Variants in TFR2 observed in about 807,000 individuals in gnomAD.
TFR2 encodes the protein transferrin receptor 2.
TFR2 carries 64 observed loss-of-function variants against 91.9 expected under a neutral mutation model. That is an observed-to-expected ratio of 0.70 (90% confidence interval 0.57 to 0.86). The LOEUF (loss-of-function observed/expected upper bound fraction) is 0.86, where lower values mean the gene tolerates loss of function less well. Ranked by LOEUF, TFR2 falls within the 40% of genes least tolerant of loss-of-function variation. The probability of loss-of-function intolerance (pLI) is 0.00; values close to 1 mark genes in which losing one functional copy is unlikely to be tolerated. For synonymous variants in TFR2, 454 were observed against 459.6 expected (o/e 0.99, Z 0.15); for missense variants, 950 against 1,080.5 (o/e 0.88, Z 1.69).
Position 100,636,149 on chromosome 7 carries a change from T to C in TFR2, c.474-2593A>G, listed in dbSNP as rs887757077. 2.0e-4 allele frequency among the ~76,000 whole-genome samples: 30 copies of C among 149,460 alleles called. 1 individual carries two copies. The highest frequency in any genetic ancestry group is 2.0e-3 in the Admixed American group (29 of 14,846). On this transcript the variant is annotated intron_variant, in intron 3 of 17. Transcript: ENST00000223051. ...GTCACCTCCAGTCCAGGCACTCCAC[T>C]TCCCTGGTCACACCCTGCATCTTTT...
chr7:100,628,339 C>G (rs1803328696), intron 10 of TFR2, 33 bp from the exon 11 acceptor site: 1 of 1,608,440 alleles, frequency 6.2e-7, no homozygotes. Context: ...ACAGGCTTAG[C>G]AGGGGCCAAG....
chr7:100,636,892 AC>A (rs903462460), intron 3 of TFR2, among the ~76,000 whole-genome samples: 4 of 151,826 alleles, frequency 2.6e-5, no homozygotes, highest in Non-Finnish European at 5.9e-5. Context: ...TCAGTGCCAC[AC>A]CCCGCTTCTA....
intron 3 of TFR2, among the ~76,000 whole-genome samples, chr7:100,638,061 T>C (rs893145706): frequency 3.9e-5 from 6 of 152,026 alleles, no homozygotes; most frequent in African/African-American, 1.4e-4. Flanking sequence ...TGGAGTGCAG[T>C]GGCGCGATCT....
chr7:100,639,538 G>A (rs376767229), intron 3 of TFR2, among the ~76,000 whole-genome samples: 7 of 151,588 alleles, frequency 4.6e-5, no homozygotes, highest in Admixed American at 1.3e-4. Flanking sequence ...CTACTGCCAC[G>A]GTTACCTTAA....
chr7:100,631,757 C>A, intron 8 of TFR2, 49 bp downstream of exon 8: 2 of 1,591,094 alleles, frequency 1.3e-6, no homozygotes, highest in African/African-American at 2.7e-5. Flanking sequence ...CTCGCTGCAG[C>A]CTTCCTCTCT....
At position 100,632,061 on chromosome 7, in the gene TFR2, G is replaced by T. The variant is rs368267022; in HGVS notation, c.966+21C>A. On this transcript the variant is annotated intron_variant, in intron 7 of 17. Transcript: ENST00000223051. ...TGGCCTCGGGACCTGGGAACAGCAC[G>T]ACCAGCCTCCCCAGACTCACATGTC... 14 of 1,613,858 alleles carry T rather than the reference G, an allele frequency of 8.7e-6. No individual in the cohort carries two copies. In the Admixed American group the frequency reaches 1.8e-4, roughly 21 times the overall value.
In TFR2 at chr7:100,628,386, C is replaced by A; in HGVS notation, c.1391-80G>T. On this transcript the variant is annotated intron_variant, in intron 10 of 17. Transcript: ENST00000223051. ...CCCTTGTCTTCTTCTGTCCTGGTCC[C>A]CCAGGGTCTCTGTTTCTCTGTCTCT... is the stretch of plus-strand genomic sequence containing the variant. 2.2e-6 allele frequency: 3 copies of A among 1,369,328 alleles called. No individual in the cohort carries two copies. In the South Asian group the frequency reaches 3.6e-5, roughly 16 times the overall value. The allele number at this position is 1,369,328 out of a possible 1,614,324, so 84.8% of individuals were successfully genotyped here.
chr7:100,630,808 C>T, intron 9 of TFR2, 81 bp downstream of exon 9: 1 of 1,592,988 alleles, frequency 6.3e-7, no homozygotes, highest in Non-Finnish European at 8.6e-7. Flanking sequence ...CCTGCACCAG[C>T]CCCCTATCTT....
chr7:100,628,425 G>T (rs1803330715), intron 10 of TFR2, 119 bp from the exon 11 acceptor site: 5 of 972,612 alleles, frequency 5.1e-6, no homozygotes, highest in Non-Finnish European at 7.9e-6. Flanking sequence ...TCTGAGACAG[G>T]ATCTCACTCT....
At chr7:100,622,658 TCTA>T (rs1222922956) in intron 17 of TFR2, among the ~76,000 whole-genome samples, 1 of 152,188 alleles carries the variant, frequency 6.6e-6, no homozygotes, top group Non-Finnish European at 1.5e-5. Context: ...GTGGTAACCT[TCTA>T]CTATGGTAAC....
rs753945775 is a variant in TFR2 at position 100,631,817 on chromosome 7, G to A, written c.1095C>T (p.Ser365=). 6.2e-7 allele frequency: 1 copy of A among 1,612,712 alleles called. No homozygotes were observed. The highest frequency in any genetic ancestry group is 1.7e-5 in the Admixed American group (1 of 59,878). Residue 365 remains serine (S), a synonymous_variant, in exon 8 of 18, where the codon TCC becomes TCT. Coordinates refer to ENST00000223051, the MANE Select transcript of TFR2 (RefSeq NM_003227.4). ...AACACTCCCCTCACCTCAGCAGGCG[G>A]GAGGCAATGTCTGCACTGATGGGCT... ...PAQPISADIA[S]RLLRKLKGPV... is the part of the protein sequence containing the mutation.
intron 9 of TFR2, 108 bp downstream of exon 9, chr7:100,630,781 G>A: frequency 6.6e-7 from 1 of 1,510,718 alleles, no homozygotes; most frequent in Non-Finnish European, 9.1e-7. Flanking sequence ...CACCACTCCT[G>A]TCCCCTCTTG....
chr7:100,624,876 AAAAAAAAC>A (rs1444211559), intron 17 of TFR2, among the ~76,000 whole-genome samples: 2 of 151,272 alleles, frequency 1.3e-5, no homozygotes, highest in East Asian at 1.9e-4. Context: ...TCTCAGAAAA[AAAAAAAAC>A]AAAAAAACAA....
chr7:100,631,124 A>G, intron 8 of TFR2, 72 bp from the exon 9 acceptor site: 1 of 1,416,694 alleles, frequency 7.1e-7, no homozygotes, highest in Non-Finnish European at 9.3e-7. Flanking sequence ...TCTTTTCCTT[A>G]TTTCTTTCCC....
chr7:100,636,714 A>G (rs781562421), intron 3 of TFR2, among the ~76,000 whole-genome samples: 4 of 151,894 alleles, frequency 2.6e-5, no homozygotes, highest in Non-Finnish European at 5.9e-5. Context: ...CCCATTGAAC[A>G]TGACAAATGT....
intron 3 of TFR2, among the ~76,000 whole-genome samples, chr7:100,639,063 A>G (rs1740064234): frequency 6.6e-6 from 1 of 152,124 alleles, no homozygotes; most frequent in South Asian, 2.1e-4. Flanking sequence ...AAATTACTAT[A>G]TAAACATTAA....
At position 100,621,041 on chromosome 7, in the gene TFR2, A is replaced by G; in HGVS notation, c.2222T>C (p.Leu741Pro). 1 of 1,585,608 alleles carries G rather than the reference A, an allele frequency of 6.3e-7. No individual in the cohort carries two copies. The highest frequency in any genetic ancestry group is 8.6e-7 in the Non-Finnish European group (1 of 1,166,240). The change falls in exon 18 of 18, where the codon CTG becomes CCG. Residue 741 changes from leucine (L) to proline (P), a missense_variant. By Grantham distance (98) the Leu-to-Pro change is moderately conservative. Transcript: ENST00000223051. ...CCGCAGGTGGTCCAGCAGGGCGCCC[A>G]GCGTGTGGTCTCCACGGCCCATGAA... Reference protein sequence around the residue: ...HIFMGRGDHTLGALLDHLRLL... With the variant: ...HIFMGRGDHTPGALLDHLRLL...
chr7:100,622,971 CA>C (rs1803147775), intron 17 of TFR2, among the ~76,000 whole-genome samples: 2 of 14,664 alleles, frequency 1.4e-4, no homozygotes, highest in Admixed American at 1.0e-3. Context: ...AAAACAAAAC[CA>C]AACAAACAAA....
At position 100,627,321 on chromosome 7, in the gene TFR2, G is replaced by T. The variant is rs1324815806; in HGVS notation, c.1938C>A (p.Tyr646Ter). The change falls in exon 16 of 18, where the codon TAC (tyrosine) becomes TAA (stop). Residue 646 changes from tyrosine (Y) to a stop codon, truncating the protein, a stop_gained. Coordinates refer to ENST00000223051, the MANE Select transcript of TFR2 (RefSeq NM_003227.4). LOFTEE classifies it high-confidence loss of function. ...DRLLPLDFGRYGDVVLRHIGN... is the reference protein window; with the variant it reads ...DRLLPLDFGR Reference sequence around the variant, plus strand: ...CGATGTGCCTGAGGACGACGTCCCCGTAGCGGCCGAAGTCGAGGGGCAGCA... The same window carrying T: ...CGATGTGCCTGAGGACGACGTCCCCTTAGCGGCCGAAGTCGAGGGGCAGCA... The T allele has an allele frequency of 6.5e-7, 1 of 1,550,340 alleles. No individual in the cohort carries two copies. Among genetic ancestry groups the T allele is most frequent in the South Asian group, 1.2e-5 (1 of 84,048 alleles).
Sources: allele counts gnomAD v4.1 joint callset (sites outside exome capture counted in the v4.1 genomes callset), GRCh38; gene constraint gnomAD v4.1.1; transcripts MANE v1.5; gene names NCBI Gene and HGNC (gene_info 2026-07-23, HGNC 2026-07-21).